PDE1A: variants seen among roughly 807,000 people sequenced by gnomAD.
The protein encoded by PDE1A is phosphodiesterase 1A, also known as dual specificity calcium/calmodulin-dependent 3',5'-cyclic nucleotide phosphodiesterase 1A.
A neutral mutation model predicts 61.7 loss-of-function variants in PDE1A; 35 were observed. The observed-to-expected ratio is 0.57, with a 90% confidence interval of 0.43 to 0.75. The LOEUF (loss-of-function observed/expected upper bound fraction) is 0.75, where lower values mean the gene tolerates loss of function less well. Among genes scored for constraint, PDE1A ranks in the 30% least tolerant of loss-of-function variants. The pLI, the probability that PDE1A is intolerant of heterozygous loss-of-function variation, is 0.00. For missense variants in PDE1A, 597 were observed against 630.6 expected, an observed-to-expected ratio of 0.95 and a Z score of 0.57; for synonymous variants, 232 against 213.2, an observed-to-expected ratio of 1.09 and a Z score of -0.77.
chr2:182,473,824 C>A (rs1559495486), intron 2 of PDE1A, among the ~76,000 whole-genome samples: 1 of 151,942 alleles, frequency 6.6e-6, no homozygotes, highest in Non-Finnish European at 1.5e-5. Flanking sequence ...TGATCTCATT[C>A]TTTTTCATGG....
intron 2 of PDE1A, among the ~76,000 whole-genome samples, chr2:182,471,254 A>T (rs1687011943): frequency 1.3e-5 from 2 of 151,836 alleles, no homozygotes; most frequent in Non-Finnish European, 2.9e-5. Flanking sequence ...TGGATAATAT[A>T]TCACAAAGGT....
intron 1 of PDE1A, among the ~76,000 whole-genome samples, chr2:182,287,419 T>C (rs1275406377): frequency 6.6e-6 from 1 of 152,164 alleles, no homozygotes; most frequent in Admixed American, 6.6e-5. Context: ...CTATCATCTA[T>C]CTATCACGTC....
chr2:182,407,118 C>T (rs1283750678), intron 1 of PDE1A, among the ~76,000 whole-genome samples: 2 of 151,966 alleles, frequency 1.3e-5, no homozygotes, highest in African/African-American at 2.4e-5. Flanking sequence ...GGATAGGAAA[C>T]GTCTTAAATA....
the PDE1A span, among the ~76,000 whole-genome samples, chr2:182,569,924 G>C: frequency 6.6e-6 from 1 of 152,106 alleles, no homozygotes; most frequent in Non-Finnish European, 1.5e-5. Flanking sequence ...TTTTCCAACT[G>C]TCCCAGACCT....
exon 14 of PDE1A, chr2:182,168,018 G>C: frequency 8.1e-7 from 1 of 1,234,820 alleles, no homozygotes; most frequent in Non-Finnish European, 1.0e-6. Flanking sequence ...AAAGCACAAG[G>C]TGCTGATGTA....
At chr2:182,546,963 C>T in the PDE1A span, among the ~76,000 whole-genome samples, 1 of 152,144 alleles carries the variant, frequency 6.6e-6, no homozygotes, top group Non-Finnish European at 1.5e-5. Context: ...TTCATCAAAA[C>T]AGTTACTTTC....
At chr2:182,392,122 A>C (rs1013891014) in intron 1 of PDE1A, among the ~76,000 whole-genome samples, 5 of 152,156 alleles carry the variant, frequency 3.3e-5, no homozygotes, top group Non-Finnish European at 7.4e-5. Flanking sequence ...GTCCATTCTT[A>C]TGCTGCTAAT....
At chr2:182,515,350 T>C (rs532473395) in intron 2 of PDE1A, among the ~76,000 whole-genome samples, 1 of 152,240 alleles carries the variant, frequency 6.6e-6, no homozygotes, top group African/African-American at 2.4e-5. Flanking sequence ...ATTTATTGAA[T>C]GAGTAAATGA....
chr2:182,551,052 C>CAAA, the PDE1A span, among the ~76,000 whole-genome samples: 375 of 138,686 alleles, frequency 2.7e-3, 1 homozygote, highest in South Asian at 4.2e-3. Context: ...TCAGCAAATA[C>CAAA]AAAAAAAAAA....
chr2:182,511,010 C>A (rs1689746385), intron 2 of PDE1A, among the ~76,000 whole-genome samples: 1 of 152,072 alleles, frequency 6.6e-6, no homozygotes, highest in Non-Finnish European at 1.5e-5. Context: ...TGTGTTTCTG[C>A]ATTTAATATT....
At chr2:182,522,535 T>C in intron 1 of PDE1A, 1 of 1,443,792 alleles carries the variant, frequency 6.9e-7, no homozygotes, top group Non-Finnish European at 9.1e-7. Flanking sequence ...ACAGATTTGC[T>C]ATTGACTTTG....
At position 182,230,158 on chromosome 2, in the gene PDE1A, A is replaced by G; in HGVS notation, c.535-12T>C. The G allele has an allele frequency of 6.2e-7, 1 of 1,606,510 alleles. No individual in the cohort carries two copies. The highest frequency in any genetic ancestry group is 2.2e-5 in the East Asian group (1 of 44,738). On this transcript the variant is annotated splice_polypyrimidine_tract_variant and intron_variant, in intron 5 of 13. Coordinates refer to ENST00000351439, the Ensembl canonical transcript of PDE1A. ...CAAGAAACAGGAATCTGTGGAAAGT[A>G]ATAATTATAATTATATTTTGACCAA...
intron 1 of PDE1A, among the ~76,000 whole-genome samples, chr2:182,392,578 A>G (rs1701482545): frequency 6.7e-6 from 1 of 149,008 alleles, no homozygotes; most frequent in African/African-American, 2.4e-5. Context: ...CATTAACGCA[A>G]AAGTCCACAG....
intron 13 of PDE1A, among the ~76,000 whole-genome samples, chr2:182,148,350 G>A (rs767438887): frequency 2.6e-5 from 4 of 152,122 alleles, no homozygotes; most frequent in Non-Finnish European, 5.9e-5. Flanking sequence ...GGCTACTTTG[G>A]ACTCCTAAGC....
chr2:182,316,652 G>C (rs1000934613), intron 1 of PDE1A, among the ~76,000 whole-genome samples: 7 of 152,096 alleles, frequency 4.6e-5, no homozygotes, highest in African/African-American at 1.7e-4. Context: ...AGAATGATGA[G>C]TATATCTTTT....
the PDE1A span, among the ~76,000 whole-genome samples, chr2:182,708,203 T>C: frequency 6.6e-6 from 1 of 152,130 alleles, no homozygotes; most frequent in African/African-American, 2.4e-5. Flanking sequence ...ATTCCAGTTC[T>C]GCCCCTACTA....
At chr2:182,514,149 AT>A (rs1190138103) in intron 2 of PDE1A, among the ~76,000 whole-genome samples, 6 of 152,200 alleles carry the variant, frequency 3.9e-5, no homozygotes. Flanking sequence ...TACAACAAGA[AT>A]TACAAAACAC....
At chr2:182,409,720 C>A (rs1259611243) in intron 1 of PDE1A, among the ~76,000 whole-genome samples, 2 of 152,102 alleles carry the variant, frequency 1.3e-5, no homozygotes, top group Non-Finnish European at 2.9e-5. Flanking sequence ...GCCAAAATGT[C>A]TTTTTATAGA....
At chr2:182,377,993 C>T (rs1700511475) in intron 1 of PDE1A, among the ~76,000 whole-genome samples, 1 of 151,950 alleles carries the variant, frequency 6.6e-6, no homozygotes, top group South Asian at 2.1e-4. Flanking sequence ...ACTATAGGTG[C>T]CCGCCACCTC....
Sources: gnomAD v4.1 joint callset for allele counts (sites outside exome capture counted in the v4.1 genomes callset) on GRCh38, gnomAD v4.1.1 for gene constraint, MANE v1.5 for transcripts, NCBI Gene and HGNC (gene_info 2026-07-23, HGNC 2026-07-21) for gene names.